Variants in ANKRD30BL observed in about 807,000 individuals in gnomAD.
ANKRD30BL encodes putative ankyrin repeat domain-containing protein 30B-like.
In ANKRD30BL, 20 loss-of-function variants were observed where a neutral mutation model predicts 18.4. The ratio of observed to expected loss-of-function variants is 1.09; its 90% CI spans 0.77 to 1.58. The LOEUF (loss-of-function observed/expected upper bound fraction) is 1.58, where lower values mean the gene tolerates loss of function less well. ANKRD30BL is among the 40% of genes most tolerant of loss of function. The probability of loss-of-function intolerance (pLI) is 0.00; values close to 1 mark genes in which losing one functional copy is unlikely to be tolerated. For synonymous variants in ANKRD30BL, 72 were observed against 100.9 expected, an observed-to-expected ratio of 0.71 and a Z score of 1.72; for missense variants, 224 against 268.6, an observed-to-expected ratio of 0.83 and a Z score of 1.16.
intron 1 of ANKRD30BL, among the ~76,000 whole-genome samples, chr2:132,172,366 A>C (rs1481841429): frequency 6.6e-6 from 1 of 152,200 alleles, no homozygotes; most frequent in Non-Finnish European, 1.5e-5. Flanking sequence ...CATTGACTCT[A>C]AATCCTCACT....
At chr2:132,216,994 C>A (rs75775404) in intron 1 of ANKRD30BL, among the ~76,000 whole-genome samples, 1 of 151,786 alleles carries the variant, frequency 6.6e-6, no homozygotes, top group Non-Finnish European at 1.5e-5. Flanking sequence ...CAGAGTTGAA[C>A]CTTTCTTTTG....
At chr2:132,203,325 T>C (rs1679145984) in intron 1 of ANKRD30BL, among the ~76,000 whole-genome samples, 1 of 152,220 alleles carries the variant, frequency 6.6e-6, no homozygotes, top group Admixed American at 6.5e-5. Flanking sequence ...TATACCCCTC[T>C]AAGATTATTA....
chr2:132,208,676 AG>A (rs1404609180), intron 1 of ANKRD30BL, among the ~76,000 whole-genome samples: 6 of 151,416 alleles, frequency 4.0e-5, no homozygotes, highest in Non-Finnish European at 4.4e-5. Context: ...TAGCAGGAAA[AG>A]GAGATAAGTG....
intron 1 of ANKRD30BL, among the ~76,000 whole-genome samples, chr2:132,223,659 T>C (rs1679760588): frequency 6.6e-6 from 1 of 151,340 alleles, no homozygotes; most frequent in Non-Finnish European, 1.5e-5. Flanking sequence ...CTCAGAAACT[T>C]CCTTGTGATG....
intron 1 of ANKRD30BL, among the ~76,000 whole-genome samples, chr2:132,220,537 T>G (rs981365532): frequency 6.6e-6 from 1 of 150,404 alleles, no homozygotes; most frequent in Non-Finnish European, 1.5e-5. Flanking sequence ...CTGGTTTTCG[T>G]TTTTTTTTGG....
chr2:132,229,602 C>A (rs539029352), intron 1 of ANKRD30BL, among the ~76,000 whole-genome samples: 1 of 151,972 alleles, frequency 6.6e-6, no homozygotes, highest in Admixed American at 6.6e-5. Flanking sequence ...GTGAGGCCTT[C>A]GTTGGAAACG....
intron 1 of ANKRD30BL, among the ~76,000 whole-genome samples, chr2:132,207,529 A>T (rs1455528454): frequency 1.3e-5 from 2 of 152,176 alleles, no homozygotes; most frequent in African/African-American, 4.8e-5. Flanking sequence ...AATTGGTAGA[A>T]GTATTTTTTA....
intron 1 of ANKRD30BL, among the ~76,000 whole-genome samples, chr2:132,183,016 G>A (rs544687050): frequency 2.6e-5 from 4 of 152,082 alleles, no homozygotes; most frequent in African/African-American, 9.6e-5. Context: ...TAACGATGTT[G>A]GATAATATCA....
At chr2:132,180,946 G>T (rs1259525413) in intron 1 of ANKRD30BL, among the ~76,000 whole-genome samples, 1 of 152,066 alleles carries the variant, frequency 6.6e-6, no homozygotes, top group Non-Finnish European at 1.5e-5. Context: ...AGGACATTGA[G>T]ACCATCCTGG....
chr2:132,238,117 A>C (rs192236723), intron 1 of ANKRD30BL, among the ~76,000 whole-genome samples: 4 of 151,886 alleles, frequency 2.6e-5, no homozygotes, highest in African/African-American at 9.7e-5. Flanking sequence ...ACCTATGTTG[A>C]AAAAGGAAAT....
chr2:132,195,017 G>A (rs192609315), intron 1 of ANKRD30BL, among the ~76,000 whole-genome samples: 25 of 152,274 alleles, frequency 1.6e-4, no homozygotes, highest in Middle Eastern at 6.8e-3. Flanking sequence ...CACAGCTAGT[G>A]TGAACTGAAA....
At chr2:132,232,772 C>T (rs200773733) in intron 1 of ANKRD30BL, among the ~76,000 whole-genome samples, 11 of 152,106 alleles carry the variant, frequency 7.2e-5, no homozygotes, top group Admixed American at 3.3e-4. Flanking sequence ...CAGGATATTA[C>T]CCAGGAGAAC....
At chr2:132,256,239 C>A (rs1000779534) in intron 1 of ANKRD30BL, among the ~76,000 whole-genome samples, 33 of 151,750 alleles carry the variant, frequency 2.2e-4, no homozygotes, top group African/African-American at 7.5e-4. Context: ...AGCCCGGCGT[C>A]CCAGTTGCGA....
At chr2:132,210,156 T>A (rs989715016) in intron 1 of ANKRD30BL, among the ~76,000 whole-genome samples, 1 of 150,262 alleles carries the variant, frequency 6.7e-6, no homozygotes, top group African/African-American at 2.5e-5. Context: ...TGCAAGTGGA[T>A]ATTTGGAGCG....
chr2:132,161,849 TC>T lies in ANKRD30BL; in HGVS notation c.-145del. ...TCAGTCGGGCCAAGCTTTTGGACACTCCAACCTCTCCCGGGAGAAAATGGCT... is the reference window on the plus strand; with the variant it reads ...TCAGTCGGGCCAAGCTTTTGGACACTCAACCTCTCCCGGGAGAAAATGGCT... On this transcript the variant is annotated 5_prime_UTR_variant, in exon 1 of 6. Coordinates refer to ENST00000409867, the MANE Select transcript of ANKRD30BL (RefSeq NM_001358416.1). 1.6e-6 allele frequency: 1 copy of T among 613,340 alleles called. No individual in the cohort carries two copies. The allele number at this position is 613,340 out of a possible 1,614,324, so 38.0% of individuals were successfully genotyped here. A position where few individuals can be genotyped will look rare whatever the true frequency, so the allele number is the denominator to read the frequency against.
chr2:132,178,963 G>A (rs1030615758), intron 1 of ANKRD30BL, among the ~76,000 whole-genome samples: 1 of 151,404 alleles, frequency 6.6e-6, no homozygotes, highest in Non-Finnish European at 1.5e-5. Context: ...TGCAGAGGTA[G>A]GAAATGTTGA....
At position 132,236,088 on chromosome 2, in the gene ANKRD30BL, A is replaced by G. The variant is rs1573875161; in HGVS notation, n.441+21441T>C. Among the ~76,000 whole-genome samples, 4 of 152,160 alleles carry G rather than the reference A, an allele frequency of 2.6e-5. No individual in the cohort carries two copies. In the East Asian group the frequency reaches 7.7e-4, roughly 29 times the overall value. ...AACCTGAGAAAAACAAGCAATGGGG[A>G]AAGGATTCCCTATTTAATAAATGGT... On this transcript the variant is annotated intron_variant and non_coding_transcript_variant, in intron 1 of 4. Transcript: ENST00000470729.
At chr2:132,253,052 G>A (rs1044826268) in intron 1 of ANKRD30BL, 101 of 154,078 alleles carry the variant, frequency 6.6e-4, no homozygotes, top group East Asian at 2.0e-4. Flanking sequence ...GAATGTCACC[G>A]GTCTACACTT....
chr2:132,173,521 T>C (rs1171802575), intron 1 of ANKRD30BL, among the ~76,000 whole-genome samples: 1 of 151,580 alleles, frequency 6.6e-6, no homozygotes, highest in Non-Finnish European at 1.5e-5. Flanking sequence ...ATGGTCTCGA[T>C]TTCCTCACCT....
Sources: allele counts gnomAD v4.1 joint callset (sites outside exome capture counted in the v4.1 genomes callset), GRCh38; gene constraint gnomAD v4.1.1; transcripts MANE v1.5; gene names NCBI Gene and HGNC (gene_info 2026-07-23, HGNC 2026-07-21).